Variants in SSBP3 observed in about 807,000 individuals in gnomAD.
SSBP3 encodes single stranded DNA binding protein 3.
A neutral mutation model predicts 69.6 loss-of-function variants in SSBP3; 5 were observed. That is an observed-to-expected ratio of 0.07 (90% CI 0.04 to 0.15). The LOEUF (loss-of-function observed/expected upper bound fraction) is 0.15. Among genes scored for constraint, SSBP3 ranks in the 10% least tolerant of loss-of-function variants. The pLI is 1.00. For synonymous variants in SSBP3, 196 were observed against 193.4 expected (o/e 1.01, Z -0.11); for missense variants, 312 against 534.0 (o/e 0.58, Z 4.10).
At chr1:54,275,039 G>A (rs930902825) in intron 5 of SSBP3, among the ~76,000 whole-genome samples, 12 of 152,124 alleles carry the variant, frequency 7.9e-5, no homozygotes, top group Non-Finnish European at 1.8e-4. Context: ...TGGCCCCAAC[G>A]GTATTCTTCC....
intron 14 of SSBP3, among the ~76,000 whole-genome samples, chr1:54,233,930 T>C (rs976942912): frequency 4.6e-5 from 7 of 152,312 alleles, no homozygotes; most frequent in South Asian, 2.1e-4. Flanking sequence ...GGGGAAAAGA[T>C]TGAGAAATCG....
intron 4 of SSBP3, among the ~76,000 whole-genome samples, chr1:54,376,892 T>TGACC (rs1309600969): frequency 6.6e-6 from 1 of 152,178 alleles, no homozygotes; most frequent in Non-Finnish European, 1.5e-5. Flanking sequence ...TGTCACCCTG[T>TGACC]GACCAAGTCA....
intron 4 of SSBP3, among the ~76,000 whole-genome samples, chr1:54,321,810 A>G (rs529821595): frequency 6.6e-6 from 1 of 152,330 alleles, no homozygotes; most frequent in East Asian, 1.9e-4. Flanking sequence ...GAAGTCGACC[A>G]GGCTCAAGAT....
chr1:54,387,198 C>T (rs1380434938), intron 4 of SSBP3, among the ~76,000 whole-genome samples: 1 of 152,204 alleles, frequency 6.6e-6, no homozygotes, highest in Non-Finnish European at 1.5e-5. Flanking sequence ...CTCCCTGGAT[C>T]GTTTACTATT....
intron 4 of SSBP3, among the ~76,000 whole-genome samples, chr1:54,366,175 C>G (rs564395097): frequency 1.3e-5 from 2 of 152,190 alleles, no homozygotes; most frequent in African/African-American, 4.8e-5. Context: ...GCTGCTAACA[C>G]CCCTCTGATG....
At chr1:54,397,417 A>T (rs1648973897) in intron 4 of SSBP3, among the ~76,000 whole-genome samples, 1 of 152,236 alleles carries the variant, frequency 6.6e-6, no homozygotes, top group African/African-American at 2.4e-5. Flanking sequence ...CCACACAGCC[A>T]CAAATACCTC....
rs1408387712 is a variant in SSBP3, at chr1:54,258,853, C to T, written c.367-704G>A. Among the ~76,000 whole-genome samples, 2 of 152,224 alleles carry T rather than the reference C, an allele frequency of 1.3e-5. No individual in the cohort carries two copies. The highest frequency in any genetic ancestry group is 4.8e-5 in the African/African-American group (2 of 41,466). On this transcript the variant is annotated intron_variant, in intron 5 of 17. Coordinates refer to ENST00000610401, the Ensembl canonical transcript of SSBP3. The surrounding 1 kb of genome is among the most constrained non-coding windows in gnomAD (Gnocchi z 4.5). Reference sequence around the variant, plus strand: ...TGAATTCACCTGCACTTCAAAGCAGCCCTGTGAGGCGGGGTTTCTCATTCC... The same window carrying T: ...TGAATTCACCTGCACTTCAAAGCAGTCCTGTGAGGCGGGGTTTCTCATTCC...
At chr1:54,272,931 C>G (rs1645220763) in intron 5 of SSBP3, among the ~76,000 whole-genome samples, 1 of 152,242 alleles carries the variant, frequency 6.6e-6, no homozygotes, top group South Asian at 2.1e-4. Flanking sequence ...GGAGCAGCAG[C>G]AAGAACAGAG....
At chr1:54,401,729 G>T (rs1009872067) in intron 4 of SSBP3, 132 bp downstream of exon 4, 1 of 684,358 alleles carries the variant, frequency 1.5e-6, no homozygotes, top group Non-Finnish European at 2.5e-6. Flanking sequence ...AGAGAGGTGG[G>T]CAGGGGAACA....
At chr1:54,274,488 G>A (rs1055483108) in intron 5 of SSBP3, among the ~76,000 whole-genome samples, 38 of 152,270 alleles carry the variant, frequency 2.5e-4, no homozygotes, top group African/African-American at 7.0e-4. Flanking sequence ...CAGGTAAGGC[G>A]TCTGCTAAGA....
At chr1:54,411,478 GA>G (rs71066916) in intron 1 of SSBP3, among the ~76,000 whole-genome samples, 108 of 137,716 alleles carry the variant, frequency 7.8e-4, no homozygotes, top group African/African-American at 1.5e-3. Flanking sequence ...ACTCTGTCTT[GA>G]AAAAAAAAAA....
upstream of SSBP3, among the ~76,000 whole-genome samples, chr1:54,409,622 C>A (rs1318305826): frequency 6.6e-6 from 1 of 152,220 alleles, no homozygotes; most frequent in South Asian, 2.1e-4. Flanking sequence ...CTCAGCCACA[C>A]CCTCCTAAAC....
chr1:54,268,110 T>C (rs1403118411), intron 5 of SSBP3, among the ~76,000 whole-genome samples: 1 of 152,100 alleles, frequency 6.6e-6, no homozygotes, highest in African/African-American at 2.4e-5. Context: ...CCCCTCTCTC[T>C]CCCTGACCTC....
chr1:54,318,773 T>TC (rs1210026163), intron 4 of SSBP3, among the ~76,000 whole-genome samples: 1 of 151,948 alleles, frequency 6.6e-6, no homozygotes, highest in Non-Finnish European at 1.5e-5. Flanking sequence ...ATCTTCCCCC[T>TC]CCTCCCACTA....
intron 4 of SSBP3, among the ~76,000 whole-genome samples, chr1:54,342,473 C>A (rs1557548002): frequency 6.6e-6 from 1 of 152,186 alleles, no homozygotes; most frequent in Admixed American, 6.5e-5. Flanking sequence ...CAGGTGTGGG[C>A]TCTCTGCAAA....
At chr1:54,295,143 T>G (rs1171221696) in intron 4 of SSBP3, among the ~76,000 whole-genome samples, 1 of 152,094 alleles carries the variant, frequency 6.6e-6, no homozygotes, top group Non-Finnish European at 1.5e-5. Context: ...AAATGAAACT[T>G]GAGAGGGGCA....
At position 54,228,236 on chromosome 1, in the gene SSBP3, G is replaced by C; in HGVS notation, c.1137+19C>G. 1.2e-6 allele frequency: 2 copies of C among 1,610,842 alleles called. No individual in the cohort carries two copies. The highest frequency in any genetic ancestry group is 1.7e-6 in the Non-Finnish European group (2 of 1,177,402). On this transcript the variant is annotated intron_variant, in intron 17 of 17. Coordinates refer to ENST00000610401, the Ensembl canonical transcript of SSBP3. Reference sequence around the variant, plus strand: ...CCAGGCCGTGGGGACGAGAGCAACAGGCAGGGGGCGAGGCTTACATTGTCG... The same window carrying C: ...CCAGGCCGTGGGGACGAGAGCAACACGCAGGGGGCGAGGCTTACATTGTCG...
At chr1:54,383,878 G>T (rs936829752) in intron 4 of SSBP3, among the ~76,000 whole-genome samples, 6 of 151,960 alleles carry the variant, frequency 3.9e-5, no homozygotes, top group Non-Finnish European at 7.4e-5. Flanking sequence ...AGGCCGAGGC[G>T]GGCGGATCAC....
At chr1:54,327,746 G>A (rs985240701) in intron 4 of SSBP3, among the ~76,000 whole-genome samples, 3 of 152,210 alleles carry the variant, frequency 2.0e-5, no homozygotes, top group African/African-American at 4.8e-5. Context: ...GAGTTATCCT[G>A]TTCTGCAACT....
Sources: gnomAD v4.1 joint callset for allele counts (sites outside exome capture counted in the v4.1 genomes callset) on GRCh38, gnomAD v4.1.1 for gene constraint, Gnocchi (gnomAD v3.1) non-coding constraint, MANE v1.5 for transcripts, NCBI Gene and HGNC (gene_info 2026-07-23, HGNC 2026-07-21) for gene names.